The following PPARGC1A variants were observed in gnomAD, a reference collection of about 807,000 sequenced individuals.
The protein encoded by PPARGC1A is peroxisome proliferator-activated receptor gamma coactivator 1-alpha.
Under a neutral mutation model 88.7 loss-of-function variants are expected in PPARGC1A, and 25 were observed. That is an observed-to-expected ratio of 0.28 (90% CI 0.21 to 0.39). The LOEUF is 0.39. PPARGC1A is among the 10% of genes least tolerant of loss of function. PPARGC1A has a pLI of 1.00. For synonymous variants in PPARGC1A, 363 were observed against 355.6 expected (o/e 1.02, Z -0.24); for missense variants, 880 against 968.7 (o/e 0.91, Z 1.22).
the PPARGC1A span, among the ~76,000 whole-genome samples, chr4:24,452,301 C>G: frequency 6.6e-6 from 1 of 151,286 alleles, no homozygotes; most frequent in African/African-American, 2.4e-5. Flanking sequence ...GCACCCTATT[C>G]TTGTTGGTTT....
chr4:24,259,522 A>G, the PPARGC1A span, among the ~76,000 whole-genome samples: 1 of 152,222 alleles, frequency 6.6e-6, no homozygotes, highest in Non-Finnish European at 1.5e-5. Context: ...TCCCATAACA[A>G]TATAATACAG....
the PPARGC1A span, among the ~76,000 whole-genome samples, chr4:23,942,765 G>A: frequency 6.6e-6 from 1 of 152,260 alleles, no homozygotes; most frequent in Non-Finnish European, 1.5e-5. Context: ...GATCTGTTCT[G>A]AGTCCAATAT....
At chr4:23,830,022 A>G (rs1331183588) in intron 3 of PPARGC1A, among the ~76,000 whole-genome samples, 2 of 152,120 alleles carry the variant, frequency 1.3e-5, no homozygotes, top group Non-Finnish European at 2.9e-5. Flanking sequence ...CCAAATCACT[A>G]CTAGGTGAGA....
the PPARGC1A span, among the ~76,000 whole-genome samples, chr4:24,007,217 G>A: frequency 2.6e-5 from 4 of 151,960 alleles, no homozygotes; most frequent in South Asian, 2.1e-4. Flanking sequence ...TGCCCATCTC[G>A]CTCTCTCTCT....
chr4:24,013,020 T>G, the PPARGC1A span, among the ~76,000 whole-genome samples: 4 of 152,196 alleles, frequency 2.6e-5, no homozygotes, highest in East Asian at 1.9e-4. Flanking sequence ...ACACAATTAA[T>G]CTTATTAGAA....
the PPARGC1A span, among the ~76,000 whole-genome samples, chr4:24,068,062 G>A: frequency 6.6e-6 from 1 of 152,170 alleles, no homozygotes; most frequent in African/African-American, 2.4e-5. Flanking sequence ...ATAGGTCCTC[G>A]GTCTTCCTGA....
At chr4:23,805,931 A>C (rs151046241) in intron 10 of PPARGC1A, among the ~76,000 whole-genome samples, 1 of 152,192 alleles carries the variant, frequency 6.6e-6, no homozygotes, top group South Asian at 2.1e-4. Flanking sequence ...ATGCAGACAT[A>C]CTGGGACAGT....
chr4:24,054,532 A>G, the PPARGC1A span, among the ~76,000 whole-genome samples: 4 of 152,216 alleles, frequency 2.6e-5, no homozygotes, highest in Admixed American at 2.6e-4. Flanking sequence ...GTAGCCTGGA[A>G]TAAGTTACAT....
intron 1 of PPARGC1A, among the ~76,000 whole-genome samples, chr4:23,895,332 C>CTTTTTT (rs1235504297): frequency 1.4e-5 from 2 of 144,376 alleles, no homozygotes; most frequent in Non-Finnish European, 3.1e-5. Context: ...TTTTCTTTTT[C>CTTTTTT]TTTTTTTTTT....
At chr4:24,415,422 G>A in the PPARGC1A span, among the ~76,000 whole-genome samples, 2 of 152,162 alleles carry the variant, frequency 1.3e-5, no homozygotes, top group African/African-American at 4.8e-5. Context: ...TGTTACAAAT[G>A]AGAGAAGTGG....
At chr4:23,860,682 A>G (rs1365309729) in intron 2 of PPARGC1A, among the ~76,000 whole-genome samples, 2 of 152,220 alleles carry the variant, frequency 1.3e-5, no homozygotes, top group East Asian at 3.9e-4. Flanking sequence ...TTGTTTCCTG[A>G]TAATCCTTCA....
chr4:24,110,847 C>G, the PPARGC1A span, among the ~76,000 whole-genome samples: 1 of 152,120 alleles, frequency 6.6e-6, no homozygotes, highest in Non-Finnish European at 1.5e-5. Flanking sequence ...GAAAAAGGCT[C>G]AGAAATGTAT....
chr4:24,050,232 G>A, the PPARGC1A span, among the ~76,000 whole-genome samples: 1 of 118,676 alleles, frequency 8.4e-6, no homozygotes, highest in South Asian at 2.7e-4. Flanking sequence ...GTCTTGCTCT[G>A]TCGCCCAGGC....
At chr4:24,462,288 G>C in the PPARGC1A span, among the ~76,000 whole-genome samples, 3 of 150,394 alleles carry the variant, frequency 2.0e-5, no homozygotes, top group Non-Finnish European at 3.0e-5. Context: ...GTAGAGGCAG[G>C]GTTTCACCTT....
chr4:24,383,428 C>G, the PPARGC1A span, among the ~76,000 whole-genome samples: 2 of 152,010 alleles, frequency 1.3e-5, no homozygotes, highest in African/African-American at 4.8e-5. Context: ...CAAACTCCTC[C>G]GAGCTAAAGG....
At chr4:24,138,214 A>G in the PPARGC1A span, among the ~76,000 whole-genome samples, 1 of 152,184 alleles carries the variant, frequency 6.6e-6, no homozygotes, top group African/African-American at 2.4e-5. Context: ...CCACCTGGTC[A>G]TGCATCCCCC....
At chr4:23,871,638 C>T (rs891496187) in intron 2 of PPARGC1A, among the ~76,000 whole-genome samples, 1 of 152,124 alleles carries the variant, frequency 6.6e-6, no homozygotes, top group Non-Finnish European at 1.5e-5. Context: ...TGGAGAGAAT[C>T]TGGGTTGGCA....
the PPARGC1A span, among the ~76,000 whole-genome samples, chr4:24,231,843 G>C: frequency 6.6e-6 from 1 of 151,928 alleles, no homozygotes; most frequent in Admixed American, 6.6e-5. Flanking sequence ...AGTTGAGGTA[G>C]AGAAACACAA....
the PPARGC1A span, among the ~76,000 whole-genome samples, chr4:24,016,503 G>T: frequency 6.6e-6 from 1 of 152,126 alleles, no homozygotes; most frequent in South Asian, 2.1e-4. Flanking sequence ...CCAGGCATTG[G>T]TGTGCTCTTG....
Sources: gnomAD v4.1 joint callset for allele counts (sites outside exome capture counted in the v4.1 genomes callset) on GRCh38, gnomAD v4.1.1 for gene constraint, MANE v1.5 for transcripts, NCBI Gene and HGNC (gene_info 2026-07-23, HGNC 2026-07-21) for gene names.